The following CHST12 variants were observed in gnomAD, a reference collection of about 807,000 sequenced individuals.
CHST12 encodes the protein carbohydrate (chondroitin 4) sulfotransferase 12.
Under a neutral mutation model 27.9 loss-of-function variants are expected in CHST12, and 23 were observed. The ratio of observed to expected loss-of-function variants is 0.82; its 90% CI spans 0.59 to 1.17. The LOEUF (loss-of-function observed/expected upper bound fraction) is 1.17, where lower values mean the gene tolerates loss of function less well. CHST12 is among the 50% of genes most tolerant of loss of function. The pLI, the probability that CHST12 is intolerant of heterozygous loss-of-function variation, is 0.00. For synonymous variants in CHST12, 322 were observed against 273.0 expected (o/e 1.18, Z -1.77); for missense variants, 682 against 603.0 (o/e 1.13, Z -1.37).
At chr7:2,420,209 G>A (rs1006434893) in intron 1 of CHST12, among the ~76,000 whole-genome samples, 27 of 151,894 alleles carry the variant, frequency 1.8e-4, no homozygotes, top group Admixed American at 7.2e-4. Context: ...TCCTGACCTC[G>A]TGATCTGCCC....
rs1404543813 is a variant in CHST12 at position 2,440,289 on chromosome 7, TTA to T, written c.*6408_*6409del. Reference sequence around the variant, plus strand: ...CAGCCTATCTGGGTGTTTTTTGCACTTATAGTTTGGGGGTTTGAAGTACTGGC... The same window carrying T: ...CAGCCTATCTGGGTGTTTTTTGCACTTAGTTTGGGGGTTTGAAGTACTGGC... On this transcript the variant is annotated 3_prime_UTR_variant, in exon 2 of 2. Transcript: ENST00000618655. 1 of 154,494 alleles carries T rather than the reference TTA, an allele frequency of 6.5e-6. No homozygotes were observed. Among genetic ancestry groups the T allele is most frequent in the African/African-American group, 2.4e-5 (1 of 41,510 alleles). The allele number at this position is 154,494 out of a possible 1,614,324, so 9.6% of individuals were successfully genotyped here. A position where few individuals can be genotyped will look rare whatever the true frequency, so the allele number is the denominator to read the frequency against.
chr7:2,434,526 G>A lies in CHST12; in HGVS notation c.*642G>A, dbSNP rs913785361. On this transcript the variant is annotated 3_prime_UTR_variant, in exon 2 of 2. Transcript: ENST00000618655. The stretch of plus-strand genomic sequence containing the variant: ...TTTGGGAGGCCCAGACAGAAGGATC[G>A]CTTGAGGTCAGGAATTTGAGACCTG... The A allele has an allele frequency of 2.0e-5, 3 of 147,626 alleles. No homozygotes were observed. The highest frequency in any genetic ancestry group is 1.7e-4 in the Admixed American group (2 of 11,830). 9.1% of individuals were successfully genotyped at this position (147,626 alleles called of 1,614,324 possible). A position where few individuals can be genotyped will look rare whatever the true frequency, so the allele number is the denominator to read the frequency against.
chr7:2,407,835 G>C (rs1277465643), intron 1 of CHST12, among the ~76,000 whole-genome samples: 1 of 152,186 alleles, frequency 6.6e-6, no homozygotes, highest in Non-Finnish European at 1.5e-5. Context: ...GGCTGAGGCA[G>C]GAGAATTGCT....
rs1314072205 is a variant in CHST12 at position 2,433,256 on chromosome 7, A to G, written c.617A>G (p.His206Arg). The change falls in exon 2 of 2, where the codon CAC becomes CGC. Residue 206 changes from histidine (H) to arginine (R), a missense_variant. By Grantham distance (29) the His-to-Arg change is conservative. Transcript: ENST00000618655. The surrounding 1 kb of genome is among the most constrained non-coding windows in gnomAD (Gnocchi z 6.1). ...GACCCGCTGCGCATCCCGCGCGAGC[A>G]CGTGCACAACGCCAGCGCGCACCTG... ...YRDPLRIPRE[H>R]VHNASAHLTF... 6.2e-7 allele frequency: 1 copy of G among 1,611,516 alleles called. No individual in the cohort carries two copies. Among genetic ancestry groups the G allele is most frequent in the African/African-American group, 1.3e-5 (1 of 74,994 alleles).
intron 1 of CHST12, among the ~76,000 whole-genome samples, chr7:2,413,389 G>A (rs527943435): frequency 6.6e-6 from 1 of 152,178 alleles, no homozygotes; most frequent in Non-Finnish European, 1.5e-5. Context: ...TAAATCAAAT[G>A]TATTGAGTAT....
chr7:2,445,548 A>C lies in CHST12; in HGVS notation c.*11664A>C, dbSNP rs979034791. 2.6e-5 allele frequency: 4 copies of C among 152,164 alleles called. No individual in the cohort carries two copies. The highest frequency in any genetic ancestry group is 5.9e-5 in the Non-Finnish European group (4 of 68,052). 9.4% of individuals were successfully genotyped at this position (152,164 alleles called of 1,614,324 possible). On this transcript the variant is annotated 3_prime_UTR_variant, in exon 2 of 2. Transcript: ENST00000618655. ...CGGGTTCAAGTGGTTCTCATGCTTC[A>C]GCCTCCTGAGTAGCTGGGATTACAG...
Position 2,433,362 on chromosome 7 carries a change from C to T in CHST12, c.723C>T (p.Phe241=), listed in dbSNP as rs1293032987. The T allele has an allele frequency of 1.2e-6, 2 of 1,611,480 alleles. No homozygotes were observed. Among genetic ancestry groups the T allele is most frequent in the Admixed American group, 1.7e-5 (1 of 60,002 alleles). The change falls in exon 2 of 2, where the codon TTC becomes TTT. Residue 241 remains phenylalanine (F), a synonymous_variant. Coordinates refer to ENST00000618655, the MANE Select transcript of CHST12 (RefSeq NM_018641.5). This position sits in a 1 kb window ranked among gnomAD's most constrained non-coding sequence, Gnocchi z 6.1. ...TCAAGCTCAAGAAGTACACCAAGTTCCTCTTCGTGCGCGACCCCTTCGTGC... is the reference window on the plus strand; with the variant it reads ...TCAAGCTCAAGAAGTACACCAAGTTTCTCTTCGTGCGCGACCCCTTCGTGC... ...MKVKLKKYTK[F]LFVRDPFVRL... is the part of the protein sequence containing the mutation.
intron 1 of CHST12, among the ~76,000 whole-genome samples, chr7:2,423,039 G>A (rs1782018536): frequency 6.6e-6 from 1 of 151,920 alleles, no homozygotes; most frequent in Admixed American, 6.6e-5. Context: ...ACTTTGGGAG[G>A]CTGAGGCACT....
At chr7:2,411,459 T>C (rs998562547) in intron 1 of CHST12, among the ~76,000 whole-genome samples, 20 of 149,882 alleles carry the variant, frequency 1.3e-4, no homozygotes, top group Admixed American at 7.3e-4. Context: ...ATCATTTTCT[T>C]CTGAAATAAT....
At chr7:2,416,247 T>G (rs1416605268) in intron 1 of CHST12, among the ~76,000 whole-genome samples, 1 of 152,228 alleles carries the variant, frequency 6.6e-6, no homozygotes, top group Non-Finnish European at 1.5e-5. Flanking sequence ...GGCCACATCT[T>G]CAGGCTCCAC....
At position 2,438,301 on chromosome 7, in the gene CHST12, G is replaced by C. The variant is rs1241711959; in HGVS notation, c.*4417G>C. On this transcript the variant is annotated 3_prime_UTR_variant, in exon 2 of 2. Coordinates refer to ENST00000618655, the MANE Select transcript of CHST12 (RefSeq NM_018641.5). ...CAACGTCCCCAGAGTCTTCTCCCTA[G>C]AGTCTCTGAAAGGAAGCCTGGGTTC... 6.6e-6 allele frequency: 1 copy of C among 152,234 alleles called. No individual in the cohort carries two copies. Among genetic ancestry groups the C allele is most frequent in the Non-Finnish European group, 1.5e-5 (1 of 68,054 alleles). 9.4% of individuals were successfully genotyped at this position (152,234 alleles called of 1,614,324 possible).
In CHST12 at chr7:2,434,018, T is replaced by C; in HGVS notation, c.*134T>C. On this transcript the variant is annotated 3_prime_UTR_variant, in exon 2 of 2. Transcript: ENST00000618655. ...CTCTATCCATTGAGTACTGTATCGA[T>C]ATTGTTTTTTAAGATTAATATATTT... 1.5e-6 allele frequency: 1 copy of C among 649,954 alleles called. No individual in the cohort carries two copies. Among genetic ancestry groups the C allele is most frequent in the Non-Finnish European group, 2.6e-6 (1 of 383,388 alleles). 40.3% of individuals were successfully genotyped at this position (649,954 alleles called of 1,614,324 possible).
intron 1 of CHST12, among the ~76,000 whole-genome samples, chr7:2,428,710 A>G (rs1782197639): frequency 6.6e-6 from 1 of 152,250 alleles, no homozygotes; most frequent in African/African-American, 2.4e-5. Flanking sequence ...AATTTACAAT[A>G]TAGCATGTGC....
In CHST12 at chr7:2,434,761, C is replaced by T. The variant is rs1782432238; in HGVS notation, c.*877C>T. ...TAGCCTGGGTGACAGAGTGAGATTC[C>T]ATCTCAAAATAAATAAATAAATATT... is the stretch of plus-strand genomic sequence containing the variant. On this transcript the variant is annotated 3_prime_UTR_variant, in exon 2 of 2. Coordinates refer to ENST00000618655, the MANE Select transcript of CHST12 (RefSeq NM_018641.5). 1 of 151,078 alleles carries T rather than the reference C, an allele frequency of 6.6e-6. No homozygotes were observed. The highest frequency in any genetic ancestry group is 2.4e-5 in the African/African-American group (1 of 41,026). The allele number at this position is 151,078 out of a possible 1,614,324, so 9.4% of individuals were successfully genotyped here. A position where few individuals can be genotyped will look rare whatever the true frequency, so the allele number is the denominator to read the frequency against.
chr7:2,427,884 T>G (rs1172528050), intron 1 of CHST12, among the ~76,000 whole-genome samples: 3 of 151,980 alleles, frequency 2.0e-5, no homozygotes, highest in Non-Finnish European at 4.4e-5. Context: ...TGGTGCGATC[T>G]CGGCTCACTG....
At position 2,444,976 on chromosome 7, in the gene CHST12, C is replaced by G. The variant is rs575381483; in HGVS notation, c.*11092C>G. On this transcript the variant is annotated 3_prime_UTR_variant, in exon 2 of 2. Coordinates refer to ENST00000618655, the MANE Select transcript of CHST12 (RefSeq NM_018641.5). ...ATGGTTTTTGCCATTTCAATTGGTT[C>G]TCTTCCAACGTGTCTTCCTTCCAGT... 5 of 152,192 alleles carry G rather than the reference C, an allele frequency of 3.3e-5. No homozygotes were observed. Among genetic ancestry groups the G allele is most frequent in the Non-Finnish European group, 7.3e-5 (5 of 68,028 alleles). The allele number at this position is 152,192 out of a possible 1,614,324, so 9.4% of individuals were successfully genotyped here. A position where few individuals can be genotyped will look rare whatever the true frequency, so the allele number is the denominator to read the frequency against.
intron 1 of CHST12, among the ~76,000 whole-genome samples, chr7:2,417,536 T>C (rs993635158): frequency 2.6e-5 from 4 of 152,050 alleles, no homozygotes; most frequent in Admixed American, 6.6e-5. Context: ...ATTACAGGCA[T>C]GTGCCACCAG....
Position 2,432,773 on chromosome 7 carries a change from C to G in CHST12, c.134C>G (p.Thr45Arg), listed in dbSNP as rs1421880747. 1 of 1,613,686 alleles carries G rather than the reference C, an allele frequency of 6.2e-7. No homozygotes were observed. The highest frequency in any genetic ancestry group is 1.7e-5 in the Admixed American group (1 of 60,010). ...CACACGTCCTTCTCTAGGCCGCACA[C>G]GGGGCCGCCGCTGCCCACGCCCGGG... ...YLHTSFSRPH[T>R]GPPLPTPGPD... is the part of the protein sequence containing the mutation. The change falls in exon 2 of 2, where the codon ACG becomes AGG. Residue 45 changes from threonine (T) to arginine (R), a missense_variant. By Grantham distance (71) the Thr-to-Arg change is moderately conservative. Transcript: ENST00000618655.
At position 2,446,565 on chromosome 7, in the gene CHST12, G is replaced by C. The variant is rs1356620623; in HGVS notation, c.*12681G>C. ...GGGACCCCTGGCTGTGCCCACGTCG[G>C]GGCTTCCCGTTCCTTACCTGCCATG... On this transcript the variant is annotated 3_prime_UTR_variant, in exon 2 of 2. Coordinates refer to ENST00000618655, the MANE Select transcript of CHST12 (RefSeq NM_018641.5). 1 of 152,768 alleles carries C rather than the reference G, an allele frequency of 6.5e-6. No individual in the cohort carries two copies. Among genetic ancestry groups the C allele is most frequent in the Non-Finnish European group, 1.5e-5 (1 of 68,160 alleles). The allele number at this position is 152,768 out of a possible 1,614,324, so 9.5% of individuals were successfully genotyped here. A position where few individuals can be genotyped will look rare whatever the true frequency, so the allele number is the denominator to read the frequency against.
Sources: allele counts gnomAD v4.1 joint callset (sites outside exome capture counted in the v4.1 genomes callset), GRCh38; gene constraint gnomAD v4.1.1; non-coding constraint Gnocchi (gnomAD v3.1); transcripts MANE v1.5; gene names NCBI Gene and HGNC (gene_info 2026-07-23, HGNC 2026-07-21).